Variants in FAAH2 observed in about 807,000 individuals in gnomAD.
The protein encoded by FAAH2 is fatty-acid amide hydrolase 2.
In FAAH2, 60 loss-of-function variants were observed where a neutral mutation model predicts 36.9. That is an observed-to-expected ratio of 1.63 (90% confidence interval 1.32 to 2.02). The LOEUF (loss-of-function observed/expected upper bound fraction) is 2.02. Ranked by LOEUF, FAAH2 falls within the 30% of genes most tolerant of loss-of-function variation. FAAH2 has a pLI of 0.00. For missense variants in FAAH2, 689 were observed against 397.5 expected, an observed-to-expected ratio of 1.73 and a Z score of -6.23; for synonymous variants, 214 against 143.8, an observed-to-expected ratio of 1.49 and a Z score of -3.49.
chrX:57,351,598 A>G (rs1013984886), intron 5 of FAAH2, among the ~76,000 whole-genome samples: 1 of 110,528 alleles, frequency 9.0e-6, no homozygotes, highest in Non-Finnish European at 1.9e-5. Flanking sequence ...AGCTAACAAA[A>G]AAGGAAGAAG....
At chrX:57,469,512 A>G (rs2057117698) in intron 10 of FAAH2, among the ~76,000 whole-genome samples, 1 of 112,195 alleles carries the variant, frequency 8.9e-6, no homozygotes, top group Non-Finnish European at 1.9e-5. Flanking sequence ...AGGCCATTAC[A>G]TAATAAAAAA....
At chrX:57,459,375 G>A (rs1475373154) in intron 10 of FAAH2, among the ~76,000 whole-genome samples, 1 of 112,160 alleles carries the variant, frequency 8.9e-6, no homozygotes, top group African/African-American at 3.2e-5. Flanking sequence ...CAGAGCACCT[G>A]GGGGGAAAGG....
intron 5 of FAAH2, among the ~76,000 whole-genome samples, chrX:57,372,827 G>A (rs1328964215): frequency 2.7e-5 from 3 of 110,063 alleles, no homozygotes; most frequent in Non-Finnish European, 3.8e-5. Flanking sequence ...CCCATCACCC[G>A]AGCAGTATAC....
chrX:57,407,657 A>C (rs2055600678), intron 7 of FAAH2, among the ~76,000 whole-genome samples: 1 of 111,537 alleles, frequency 9.0e-6, no homozygotes, highest in African/African-American at 3.3e-5. Flanking sequence ...CTCTTTTATG[A>C]GGAGAACTGG....
At chrX:57,153,554 C>T in the FAAH2 span, among the ~76,000 whole-genome samples, 4 of 111,776 alleles carry the variant, frequency 3.6e-5, no homozygotes, top group African/African-American at 1.3e-4. Flanking sequence ...GTAGTGCTGT[C>T]TTGGTATTGG....
chrX:57,483,628 G>A (rs908879219), intron 10 of FAAH2, among the ~76,000 whole-genome samples: 1 of 110,167 alleles, frequency 9.1e-6, no homozygotes, highest in African/African-American at 3.3e-5. Context: ...TTCTCATCTG[G>A]AGGTATTGTC....
intron 10 of FAAH2, among the ~76,000 whole-genome samples, chrX:57,459,693 C>T: frequency 8.9e-6 from 1 of 112,206 alleles, no homozygotes; most frequent in Non-Finnish European, 1.9e-5. Flanking sequence ...GCTGGTGATA[C>T]CCAGACAAAT....
the FAAH2 span, among the ~76,000 whole-genome samples, chrX:57,159,079 C>T: frequency 2.5e-4 from 28 of 112,147 alleles, no homozygotes; most frequent in African/African-American, 8.4e-4. Context: ...TTTCACAGTA[C>T]CATTTATTAA....
chrX:57,272,723 G>A, the FAAH2 span, among the ~76,000 whole-genome samples: 2 of 112,071 alleles, frequency 1.8e-5, no homozygotes, highest in African/African-American at 3.2e-5. Context: ...TTTTGTCACC[G>A]CTAGATCTGC....
chrX:57,445,667 C>A (rs765643367), intron 8 of FAAH2, among the ~76,000 whole-genome samples: 1 of 111,993 alleles, frequency 8.9e-6, no homozygotes, highest in Non-Finnish European at 1.9e-5. Flanking sequence ...CTCCTTGTTG[C>A]TTCATTTTAC....
chrX:57,321,408 G>A (rs908952313), intron 3 of FAAH2, among the ~76,000 whole-genome samples: 2 of 108,922 alleles, frequency 1.8e-5, no homozygotes, highest in Admixed American at 2.0e-4. Flanking sequence ...AACCACTATT[G>A]CACATTTATA....
At chrX:57,230,377 T>C in the FAAH2 span, among the ~76,000 whole-genome samples, 2 of 112,071 alleles carry the variant, frequency 1.8e-5, no homozygotes. Context: ...TAGTTTAAAT[T>C]TATTACATGT....
chrX:57,427,549 A>T (rs192023001), intron 7 of FAAH2, among the ~76,000 whole-genome samples: 2 of 111,929 alleles, frequency 1.8e-5, no homozygotes, highest in African/African-American at 6.5e-5. Flanking sequence ...TCAAAAGGAT[A>T]ATACATCATG....
At chrX:57,350,201 C>T (rs1323331995) in intron 5 of FAAH2, among the ~76,000 whole-genome samples, 5 of 111,076 alleles carry the variant, frequency 4.5e-5, no homozygotes, top group African/African-American at 9.8e-5. Flanking sequence ...CTTTCCCATA[C>T]AAATGCTGAG....
intron 5 of FAAH2, among the ~76,000 whole-genome samples, chrX:57,348,269 A>G (rs1221492666): frequency 1.8e-5 from 2 of 110,544 alleles, no homozygotes; most frequent in Admixed American, 9.7e-5. Flanking sequence ...TACCACGTCA[A>G]CTGGCTTCTA....
chrX:57,349,854 T>G (rs1264245295), intron 5 of FAAH2, among the ~76,000 whole-genome samples: 1 of 110,373 alleles, frequency 9.1e-6, no homozygotes, highest in Non-Finnish European at 1.9e-5. Flanking sequence ...AAATAACAGA[T>G]GAAAACTTCC....
intron 8 of FAAH2, among the ~76,000 whole-genome samples, chrX:57,434,346 G>C (rs1158815011): frequency 1.8e-5 from 2 of 109,811 alleles, no homozygotes; most frequent in Non-Finnish European, 3.8e-5. Flanking sequence ...AAAGTGCTGG[G>C]ATTACAGGCA....
At chrX:57,351,092 A>T (rs1297866239) in intron 5 of FAAH2, among the ~76,000 whole-genome samples, 1 of 111,660 alleles carries the variant, frequency 9.0e-6, no homozygotes, top group African/African-American at 3.2e-5. Flanking sequence ...GATAGGCCAC[A>T]AGAAAAAGCT....
At chrX:57,214,536 C>A in the FAAH2 span, among the ~76,000 whole-genome samples, 13 of 111,406 alleles carry the variant, frequency 1.2e-4, no homozygotes, top group Non-Finnish European at 5.6e-5. Context: ...AAGCGATTAT[C>A]CTGCCTCAGC....
Sources: allele counts gnomAD v4.1 joint callset (sites outside exome capture counted in the v4.1 genomes callset), GRCh38; gene constraint gnomAD v4.1.1; transcripts MANE v1.5; gene names NCBI Gene and HGNC (gene_info 2026-07-23, HGNC 2026-07-21).